Variants in CACNA2D3 observed in about 807,000 individuals in gnomAD.
CACNA2D3 encodes the protein voltage-dependent calcium channel subunit alpha-2/delta-3.
CACNA2D3 carries 60 observed loss-of-function variants against 160.6 expected under a neutral mutation model. That is an observed-to-expected ratio of 0.37 (90% CI 0.30 to 0.46). The LOEUF (loss-of-function observed/expected upper bound fraction) is 0.46. Ranked by LOEUF, CACNA2D3 falls within the 20% of genes least tolerant of loss-of-function variation. The pLI, the probability that CACNA2D3 is intolerant of heterozygous loss-of-function variation, is 1.00. For missense variants in CACNA2D3, 1,205 were observed against 1,365.0 expected (o/e 0.88, Z 1.85); for synonymous variants, 558 against 492.9 (o/e 1.13, Z -1.75).
chr3:54,978,523 C>T (rs181403529), intron 29 of CACNA2D3, among the ~76,000 whole-genome samples: 5 of 152,310 alleles, frequency 3.3e-5, no homozygotes, highest in African/African-American at 2.4e-5. Context: ...TTAAAAAGTG[C>T]TCAGTGTAAG....
chr3:54,460,612 TG>T lies in CACNA2D3; in HGVS notation c.382-42879del, dbSNP rs772236530. On this transcript the variant is annotated intron_variant, in intron 4 of 37. Coordinates refer to ENST00000474759, the MANE Select transcript of CACNA2D3 (RefSeq NM_018398.3). ...GGTGTATAAGAATGCTTGTGATTTT[TG>T]TACATTGATTTTGTATCCTGAGACT... Among the ~76,000 whole-genome samples the T allele has an allele frequency of 4.5e-3, 689 of 152,338 alleles. 8 individuals carry two copies. Among genetic ancestry groups the T allele is most frequent in the Non-Finnish European group, 6.0e-3 (407 of 68,034 alleles).
intron 35 of CACNA2D3, among the ~76,000 whole-genome samples, chr3:55,068,894 T>C (rs191095363): frequency 2.6e-5 from 4 of 152,346 alleles, no homozygotes; most frequent in Admixed American, 2.6e-4. Flanking sequence ...AGAAATAGGG[T>C]GTAAAAGATT....
At chr3:54,618,547 C>A (rs1698913934) in intron 9 of CACNA2D3, among the ~76,000 whole-genome samples, 1 of 152,026 alleles carries the variant, frequency 6.6e-6, no homozygotes, top group Non-Finnish European at 1.5e-5. Context: ...TAATTGAATA[C>A]AAGTTTTATA....
chr3:54,494,135 A>C (rs1163630753), intron 4 of CACNA2D3, among the ~76,000 whole-genome samples: 1 of 152,190 alleles, frequency 6.6e-6, no homozygotes, highest in East Asian at 1.9e-4. Context: ...AAAAGAATTA[A>C]ATTTACTCGG....
chr3:54,901,397 CAA>C (rs1700328661), intron 27 of CACNA2D3: 1 of 152,248 alleles, frequency 6.6e-6, no homozygotes, highest in Non-Finnish European at 1.5e-5. Flanking sequence ...CACATGTTTC[CAA>C]ATGCCTTACA....
intron 3 of CACNA2D3, among the ~76,000 whole-genome samples, chr3:54,352,594 C>G (rs1698583113): frequency 6.6e-6 from 1 of 152,200 alleles, no homozygotes; most frequent in Admixed American, 6.5e-5. Context: ...CCAATCGGAT[C>G]AGGCACTTCT....
intron 4 of CACNA2D3, among the ~76,000 whole-genome samples, chr3:54,421,142 A>T (rs1333410141): frequency 6.6e-6 from 1 of 152,170 alleles, no homozygotes; most frequent in East Asian, 1.9e-4. Flanking sequence ...GGTCAGATAG[A>T]TGCTGGGGCA....
intron 4 of CACNA2D3, among the ~76,000 whole-genome samples, chr3:54,464,029 A>G (rs1700560333): frequency 6.6e-6 from 1 of 152,172 alleles, no homozygotes; most frequent in Non-Finnish European, 1.5e-5. Flanking sequence ...AGTTTGCTAG[A>G]GGTGCACTCC....
chr3:54,410,703 A>G (rs1559474043), intron 4 of CACNA2D3, among the ~76,000 whole-genome samples: 1 of 152,172 alleles, frequency 6.6e-6, no homozygotes, highest in African/African-American at 2.4e-5. Context: ...TTTGCTGGGG[A>G]TGTACAAAGA....
intron 13 of CACNA2D3, among the ~76,000 whole-genome samples, chr3:54,771,505 C>G (rs757141662): frequency 5.9e-5 from 9 of 152,092 alleles, no homozygotes; most frequent in African/African-American, 9.7e-5. Flanking sequence ...GTTCTTTGCC[C>G]GTATAGGACT....
intron 11 of CACNA2D3, among the ~76,000 whole-genome samples, chr3:54,739,488 G>A (rs1396876780): frequency 1.0e-5 from 1 of 97,916 alleles, no homozygotes; most frequent in African/African-American, 4.2e-5. Context: ...AAAATAACAT[G>A]GAGAGTGCCT....
At chr3:54,517,221 A>G (rs1396282922) in intron 5 of CACNA2D3, among the ~76,000 whole-genome samples, 1 of 152,204 alleles carries the variant, frequency 6.6e-6, no homozygotes, top group Non-Finnish European at 1.5e-5. Context: ...GTGGGCAAAA[A>G]GAGACTCCCC....
chr3:54,357,171 T>A (rs1698663559), intron 3 of CACNA2D3, among the ~76,000 whole-genome samples: 1 of 152,174 alleles, frequency 6.6e-6, no homozygotes, highest in African/African-American at 2.4e-5. Context: ...CCACTCTGTT[T>A]TCCATGGCAC....
At chr3:54,723,196 A>G (rs1033014081) in intron 11 of CACNA2D3, among the ~76,000 whole-genome samples, 48 of 152,330 alleles carry the variant, frequency 3.2e-4, no homozygotes, top group African/African-American at 1.1e-3. Flanking sequence ...CTGTGAGTGT[A>G]AAACCACCTA....
At chr3:54,373,451 T>C (rs1047181932) in intron 3 of CACNA2D3, among the ~76,000 whole-genome samples, 2 of 152,184 alleles carry the variant, frequency 1.3e-5, no homozygotes, top group Non-Finnish European at 1.5e-5. Context: ...AACTGTGGTA[T>C]GTTTTAAATA....
intron 14 of CACNA2D3, among the ~76,000 whole-genome samples, chr3:54,824,265 G>A (rs773278022): frequency 8.5e-5 from 13 of 152,204 alleles, no homozygotes; most frequent in Non-Finnish European, 1.3e-4. Context: ...TGCTTAGAGC[G>A]ACATTGATCT....
chr3:54,592,668 A>C (rs1702882935), intron 9 of CACNA2D3, among the ~76,000 whole-genome samples: 1 of 152,118 alleles, frequency 6.6e-6, no homozygotes, highest in African/African-American at 2.4e-5. Flanking sequence ...CTGGTTTTAT[A>C]ATGAAGATGT....
chr3:54,930,161 G>T (rs1472134735), intron 27 of CACNA2D3, among the ~76,000 whole-genome samples: 3 of 152,064 alleles, frequency 2.0e-5, no homozygotes, highest in African/African-American at 7.2e-5. Flanking sequence ...GCATAGATCG[G>T]CCCACAGGCT....
At chr3:54,139,456 G>T (rs2107265017) in intron 2 of CACNA2D3, among the ~76,000 whole-genome samples, 1 of 152,362 alleles carries the variant, frequency 6.6e-6, no homozygotes, top group Admixed American at 6.5e-5. Flanking sequence ...AGGCAGAAAT[G>T]ACATAGCATT....
Sources: gnomAD v4.1 joint callset for allele counts (sites outside exome capture counted in the v4.1 genomes callset) on GRCh38, gnomAD v4.1.1 for gene constraint, MANE v1.5 for transcripts, NCBI Gene and HGNC (gene_info 2026-07-23, HGNC 2026-07-21) for gene names.